Variants in CCDC171 observed in about 807,000 individuals in gnomAD.
CCDC171 encodes coiled-coil domain containing 171.
A neutral mutation model predicts 168.2 loss-of-function variants in CCDC171; 177 were observed. The observed-to-expected ratio is 1.05, with a 90% CI of 0.93 to 1.19. The LOEUF (loss-of-function observed/expected upper bound fraction) is 1.19, where lower values mean the gene tolerates loss of function less well. Among genes scored for constraint, CCDC171 ranks in the 50% most tolerant of loss-of-function variants. The pLI is 0.00. For synonymous variants in CCDC171, 687 were observed against 540.8 expected (o/e 1.27, Z -3.75); for missense variants, 1,991 against 1,539.0 (o/e 1.29, Z -4.91).
chr9:15,988,918 C>T (rs988280873), intron 3 of CCDC171, among the ~76,000 whole-genome samples: 4 of 152,228 alleles, frequency 2.6e-5, no homozygotes, highest in African/African-American at 9.6e-5. Context: ...AGTAGGTAAA[C>T]AAAGCGGCCG....
At chr9:15,791,179 A>G (rs1588515704) in intron 21 of CCDC171, among the ~76,000 whole-genome samples, 1 of 152,158 alleles carries the variant, frequency 6.6e-6, no homozygotes, top group African/African-American at 2.4e-5. Flanking sequence ...TGTATAAATT[A>G]CCTTGGGCGG....
chr9:16,014,932 C>T (rs1019660216), intron 3 of CCDC171, among the ~76,000 whole-genome samples: 2 of 152,048 alleles, frequency 1.3e-5, no homozygotes, highest in Admixed American at 6.6e-5. Context: ...AAGTTAAAGT[C>T]ACCAGCTCCA....
chr9:15,791,161 G>A (rs971979794), intron 21 of CCDC171, among the ~76,000 whole-genome samples: 7 of 152,136 alleles, frequency 4.6e-5, no homozygotes, highest in African/African-American at 1.7e-4. Context: ...GATGGGGATG[G>A]CACTGAATGT....
At chr9:15,693,433 G>A (rs1045985457) in intron 10 of CCDC171, among the ~76,000 whole-genome samples, 3 of 151,056 alleles carry the variant, frequency 2.0e-5, no homozygotes, top group Non-Finnish European at 4.4e-5. Context: ...TAGAAACTAG[G>A]TGTTGCCTAG....
At chr9:15,561,244 G>A (rs1391453170) in intron 1 of CCDC171, among the ~76,000 whole-genome samples, 2 of 152,186 alleles carry the variant, frequency 1.3e-5, no homozygotes, top group East Asian at 1.9e-4. Context: ...TTTTTAATAC[G>A]ATGCCTGGAG....
chr9:15,571,705 A>G lies in CCDC171; in HGVS notation c.123A>G (p.Lys41=), dbSNP rs560459652. 56 of 1,589,926 alleles carry G rather than the reference A, an allele frequency of 3.5e-5. No individual in the cohort carries two copies. The South Asian group carries it at 6.4e-4, about 18-fold the overall frequency. The change falls in exon 3 of 26, where the codon AAA becomes AAG. Residue 41 remains lysine (K), a synonymous_variant. Transcript: ENST00000380701. ...ELDITDNLRK[K]LHWAKKEKLE... is the part of the protein sequence containing the mutation. Reference sequence around the variant, plus strand: ...ATATTACTGATAATCTCAGGAAGAAACTCCATTGGGCTAAAAAAGAAAAGT... The same window carrying G: ...ATATTACTGATAATCTCAGGAAGAAGCTCCATTGGGCTAAAAAAGAAAAGT...
intron 18 of CCDC171, among the ~76,000 whole-genome samples, chr9:15,769,072 T>G (rs189178468): frequency 1.6e-4 from 25 of 152,354 alleles, no homozygotes; most frequent in African/African-American, 5.0e-4. Context: ...TCTCCAGACA[T>G]ATGAGAAATA....
the CCDC171 span, among the ~76,000 whole-genome samples, chr9:16,091,370 C>G: frequency 1.3e-5 from 2 of 152,174 alleles, no homozygotes; most frequent in Non-Finnish European, 2.9e-5. Context: ...AGATGAGACC[C>G]AAGAGGTGGA....
At chr9:15,928,692 G>T (rs1372407141) in intron 25 of CCDC171, among the ~76,000 whole-genome samples, 1 of 151,380 alleles carries the variant, frequency 6.6e-6, no homozygotes, top group African/African-American at 2.4e-5. Flanking sequence ...TATTTTTATT[G>T]TGACTGCCAG....
At chr9:15,556,455 CATT>C (rs2038806089) in intron 1 of CCDC171, among the ~76,000 whole-genome samples, 1 of 152,114 alleles carries the variant, frequency 6.6e-6, no homozygotes, top group South Asian at 2.1e-4. Flanking sequence ...GATGGTATCT[CATT>C]GTGGTTTTGA....
chr9:15,925,910 A>G (rs1312189712), intron 25 of CCDC171, among the ~76,000 whole-genome samples: 1 of 144,660 alleles, frequency 6.9e-6, no homozygotes, highest in Non-Finnish European at 1.5e-5. Flanking sequence ...TATTGCATAG[A>G]CCATTTTCTA....
At chr9:15,555,474 A>AT (rs755868521) in intron 1 of CCDC171, among the ~76,000 whole-genome samples, 50 of 152,190 alleles carry the variant, frequency 3.3e-4, no homozygotes, top group African/African-American at 1.2e-3. Context: ...GAAAAATGAT[A>AT]TTTTTAAGAA....
At chr9:15,771,622 TA>T (rs2057018371) in intron 18 of CCDC171, among the ~76,000 whole-genome samples, 1 of 152,220 alleles carries the variant, frequency 6.6e-6, no homozygotes, top group Non-Finnish European at 1.5e-5. Flanking sequence ...TTGCTTGTGA[TA>T]TTTTTATATA....
rs1005811123 is a variant in CCDC171, at chr9:15,914,247, T to C, written c.3601-6023T>C. ...AGTCTGCTGAAGCTGTGCCCACAGC[T>C]GCCCCCCTTCCCCCAGGTACTCTGT... On this transcript the variant is annotated intron_variant, in intron 24 of 25. Transcript: ENST00000380701. 8.5e-5 allele frequency among the ~76,000 whole-genome samples: 13 copies of C among 152,298 alleles called. No homozygotes were observed. The East Asian group carries it at 1.9e-3, about 23-fold the overall frequency.
intron 21 of CCDC171, among the ~76,000 whole-genome samples, chr9:15,808,861 T>TTA (rs35988111): frequency 0.45 from 68,634 of 151,830 alleles, 15,616 homozygotes; most frequent in South Asian, 0.52. Context: ...CAGCAGAAAT[T>TTA]TTTCTCACAT....
At chr9:15,853,811 A>G (rs1308203559) in intron 23 of CCDC171, among the ~76,000 whole-genome samples, 2 of 151,444 alleles carry the variant, frequency 1.3e-5, no homozygotes, top group African/African-American at 4.8e-5. Flanking sequence ...AAAGGAATTC[A>G]GTTTTGTCAA....
At chr9:15,570,646 G>A (rs1263692467) in intron 2 of CCDC171, among the ~76,000 whole-genome samples, 3 of 152,084 alleles carry the variant, frequency 2.0e-5, no homozygotes, top group Non-Finnish European at 2.9e-5. Flanking sequence ...AGAACCACTG[G>A]CATCAGTATC....
intron 7 of CCDC171, among the ~76,000 whole-genome samples, chr9:15,651,308 C>T (rs1359735671): frequency 6.6e-6 from 1 of 152,030 alleles, no homozygotes; most frequent in East Asian, 1.9e-4. Flanking sequence ...AGGGTTTTGC[C>T]ATGTTGGCCA....
intron 21 of CCDC171, among the ~76,000 whole-genome samples, chr9:15,811,973 G>C (rs1283325308): frequency 6.6e-6 from 1 of 152,162 alleles, no homozygotes; most frequent in African/African-American, 2.4e-5. Context: ...AACTGTACTT[G>C]GGATAATTTA....
Sources: gnomAD v4.1 joint callset for allele counts (sites outside exome capture counted in the v4.1 genomes callset) on GRCh38, gnomAD v4.1.1 for gene constraint, MANE v1.5 for transcripts, NCBI Gene and HGNC (gene_info 2026-07-23, HGNC 2026-07-21) for gene names.